RPS6KC1: variants seen among roughly 807,000 people sequenced by gnomAD.
RPS6KC1 encodes inactive ribosomal protein S6 kinase delta-1.
Under a neutral mutation model 103.8 loss-of-function variants are expected in RPS6KC1, and 54 were observed. That is an observed-to-expected ratio of 0.52 (90% CI 0.42 to 0.65). The LOEUF (loss-of-function observed/expected upper bound fraction) is 0.65, where lower values mean the gene tolerates loss of function less well. RPS6KC1 is among the 30% of genes least tolerant of loss of function. The pLI is 0.00. For missense variants in RPS6KC1, 1,151 were observed against 1,253.8 expected, an observed-to-expected ratio of 0.92 and a Z score of 1.24; for synonymous variants, 439 against 438.7, an observed-to-expected ratio of 1.00 and a Z score of -0.01.
At chr1:213,755,142 G>C in the RPS6KC1 span, among the ~76,000 whole-genome samples, 1 of 152,176 alleles carries the variant, frequency 6.6e-6, no homozygotes, top group Non-Finnish European at 1.5e-5. Flanking sequence ...GAGTGAGGCA[G>C]AAAAGGAGGG....
the RPS6KC1 span, among the ~76,000 whole-genome samples, chr1:213,319,688 G>GTTCCA: frequency 6.6e-6 from 1 of 151,916 alleles, no homozygotes; most frequent in African/African-American, 2.4e-5. Flanking sequence ...TGAAAGACAG[G>GTTCCA]CCTTGCTTGT....
At chr1:213,747,184 G>A in the RPS6KC1 span, among the ~76,000 whole-genome samples, 5 of 152,242 alleles carry the variant, frequency 3.3e-5, no homozygotes, top group African/African-American at 1.2e-4. Context: ...CTGAGAAGGA[G>A]CAAACTTGTG....
chr1:213,182,929 G>A (rs1240765032), intron 8 of RPS6KC1, among the ~76,000 whole-genome samples: 2 of 149,308 alleles, frequency 1.3e-5, no homozygotes, highest in African/African-American at 2.5e-5. Flanking sequence ...TATATATCAT[G>A]TTTGAAGTTT....
At chr1:213,683,569 C>T in the RPS6KC1 span, among the ~76,000 whole-genome samples, 1 of 152,140 alleles carries the variant, frequency 6.6e-6, no homozygotes, top group Admixed American at 6.6e-5. Flanking sequence ...GGTATAAACC[C>T]AGCAATTTAG....
At position 213,129,869 on chromosome 1, in the gene RPS6KC1, T is replaced by G; in HGVS notation, c.815T>G (p.Leu272Ter). ...GATTTTTATAGGAAGGGAGTTGATTTACTCCTAGAAGGTGTTCAAGGTATG... is the reference window on the plus strand; with the variant it reads ...GATTTTTATAGGAAGGGAGTTGATTGACTCCTAGAAGGTGTTCAAGGTATG... ...ASDFYRKGVD[L>*]LLEGVQGESS... Residue 272 changes from leucine (L) to a stop codon, truncating the protein, a stop_gained, in exon 6 of 15, where the codon TTA (leucine) becomes TGA (stop). Transcript: ENST00000366960. LOFTEE classifies it high-confidence loss of function. 1 of 1,607,352 alleles carries G rather than the reference T, an allele frequency of 6.2e-7. No homozygotes were observed. The highest frequency in any genetic ancestry group is 8.5e-7 in the Non-Finnish European group (1 of 1,178,442).
At chr1:213,711,166 T>C in the RPS6KC1 span, among the ~76,000 whole-genome samples, 1 of 152,214 alleles carries the variant, frequency 6.6e-6, no homozygotes, top group Non-Finnish European at 1.5e-5. Context: ...CAAACGTAGA[T>C]TTGGTCTTTT....
intron 8 of RPS6KC1, among the ~76,000 whole-genome samples, chr1:213,190,315 T>A (rs2092703136): frequency 6.6e-6 from 1 of 152,190 alleles, no homozygotes; most frequent in Admixed American, 6.5e-5. Flanking sequence ...CCAGCATTTA[T>A]TATTGCTTGA....
chr1:213,282,614 C>T, the RPS6KC1 span, among the ~76,000 whole-genome samples: 20 of 152,236 alleles, frequency 1.3e-4, no homozygotes, highest in Non-Finnish European at 2.6e-4. Context: ...TTCTTCTATG[C>T]GAAGGGTCTT....
At chr1:213,529,675 C>T in the RPS6KC1 span, among the ~76,000 whole-genome samples, 10 of 152,210 alleles carry the variant, frequency 6.6e-5, no homozygotes, top group African/African-American at 2.4e-4. Context: ...CTGGTTCACC[C>T]AGCTACTCAG....
chr1:213,465,032 G>C, the RPS6KC1 span, among the ~76,000 whole-genome samples: 9 of 152,194 alleles, frequency 5.9e-5, no homozygotes, highest in African/African-American at 2.2e-4. Flanking sequence ...TCTGTGACTG[G>C]TTGAGGGGTA....
intron 2 of RPS6KC1, among the ~76,000 whole-genome samples, chr1:213,075,819 A>G (rs1572367753): frequency 6.6e-6 from 1 of 152,320 alleles, no homozygotes; most frequent in East Asian, 1.9e-4. Context: ...CTCTTCTTTT[A>G]GAAACTTCAC....
intron 5 of RPS6KC1, among the ~76,000 whole-genome samples, chr1:213,121,308 T>A (rs1380911512): frequency 6.6e-6 from 1 of 152,200 alleles, no homozygotes; most frequent in African/African-American, 2.4e-5. Flanking sequence ...TAAAAAATAA[T>A]TTGGTGATAA....
the RPS6KC1 span, among the ~76,000 whole-genome samples, chr1:213,704,169 C>T: frequency 1.3e-4 from 19 of 151,732 alleles, no homozygotes; most frequent in Middle Eastern, 3.4e-3. Context: ...GGGCGGATCA[C>T]GAGGTCAGGA....
At chr1:213,587,929 G>GT in the RPS6KC1 span, among the ~76,000 whole-genome samples, 32 of 152,142 alleles carry the variant, frequency 2.1e-4, no homozygotes, top group African/African-American at 6.0e-4. Flanking sequence ...TTAAGTGTGG[G>GT]TTTAGAAACA....
the RPS6KC1 span, among the ~76,000 whole-genome samples, chr1:213,505,288 A>G: frequency 6.6e-6 from 1 of 152,152 alleles, no homozygotes; most frequent in African/African-American, 2.4e-5. Context: ...GGTAGGTCTG[A>G]GGATTCTTGT....
the RPS6KC1 span, among the ~76,000 whole-genome samples, chr1:213,788,758 C>A: frequency 5.3e-5 from 8 of 152,104 alleles, no homozygotes; most frequent in African/African-American, 1.9e-4. Flanking sequence ...GCTAAGGAAC[C>A]CTCAGAGCTT....
the RPS6KC1 span, among the ~76,000 whole-genome samples, chr1:213,780,867 G>T: frequency 6.6e-6 from 1 of 152,026 alleles, no homozygotes; most frequent in African/African-American, 2.4e-5. Flanking sequence ...TACTAAAAAT[G>T]CAAAAATTAT....
chr1:213,713,643 G>A, the RPS6KC1 span, among the ~76,000 whole-genome samples: 3 of 152,134 alleles, frequency 2.0e-5, no homozygotes, highest in Admixed American at 1.3e-4. Flanking sequence ...CAAACTAGCT[G>A]TTTTACACAA....
chr1:213,634,460 A>G, the RPS6KC1 span, among the ~76,000 whole-genome samples: 1 of 152,242 alleles, frequency 6.6e-6, no homozygotes, highest in African/African-American at 2.4e-5. Flanking sequence ...GAAACTGAAC[A>G]ATCTGCTCCT....
Sources: allele counts gnomAD v4.1 joint callset (sites outside exome capture counted in the v4.1 genomes callset), GRCh38; gene constraint gnomAD v4.1.1; transcripts MANE v1.5; gene names NCBI Gene and HGNC (gene_info 2026-07-23, HGNC 2026-07-21).